The following GABRG3 variants were observed in gnomAD, a reference collection of about 807,000 sequenced individuals.
The protein encoded by GABRG3 is gamma-aminobutyric acid type A receptor subunit gamma3, also known as gamma-aminobutyric acid receptor subunit gamma-3.
Under a neutral mutation model 48.8 loss-of-function variants are expected in GABRG3, and 25 were observed. The observed-to-expected ratio is 0.51, with a 90% CI of 0.37 to 0.72. GABRG3 has a LOEUF of 0.72. Ranked by LOEUF, GABRG3 falls within the 30% of genes least tolerant of loss-of-function variation. The probability of loss-of-function intolerance (pLI) is 0.00; values close to 1 mark genes in which losing one functional copy is unlikely to be tolerated. For missense variants in GABRG3, 394 were observed against 577.9 expected (o/e 0.68, Z 3.26); for synonymous variants, 227 against 217.6 (o/e 1.04, Z -0.38).
intron 2 of GABRG3, among the ~76,000 whole-genome samples, chr15:26,984,295 C>T (rs1895110612): frequency 6.6e-6 from 1 of 151,988 alleles, no homozygotes; most frequent in South Asian, 2.1e-4. Flanking sequence ...CATCTCCCAA[C>T]ATACGTGGTC....
intron 3 of GABRG3, among the ~76,000 whole-genome samples, chr15:27,167,115 G>A (rs1216286139): frequency 6.6e-6 from 1 of 152,140 alleles, no homozygotes; most frequent in Non-Finnish European, 1.5e-5. Context: ...CCCGGCTACT[G>A]CACACCGAAA....
chr15:27,003,649 G>A (rs550441742), intron 2 of GABRG3, among the ~76,000 whole-genome samples: 5 of 152,272 alleles, frequency 3.3e-5, no homozygotes, highest in South Asian at 2.1e-4. Flanking sequence ...GCAACCATCC[G>A]ATTTCTCAAT....
intron 3 of GABRG3, among the ~76,000 whole-genome samples, chr15:27,211,394 A>C (rs938639337): frequency 1.4e-5 from 2 of 138,242 alleles, no homozygotes; most frequent in Non-Finnish European, 3.4e-5. Flanking sequence ...GGAAACAAAT[A>C]ATCCGTGAAG....
intron 5 of GABRG3, among the ~76,000 whole-genome samples, chr15:27,393,517 A>C (rs1566821523): frequency 6.6e-6 from 1 of 152,114 alleles, no homozygotes; most frequent in Non-Finnish European, 1.5e-5. Context: ...CATATCTATA[A>C]ATATTTCTCT....
At chr15:27,306,258 C>T (rs1257213686) in intron 3 of GABRG3, among the ~76,000 whole-genome samples, 2 of 137,410 alleles carry the variant, frequency 1.5e-5, no homozygotes, top group Non-Finnish European at 3.1e-5. Context: ...ATAAACATGT[C>T]TATATGTAAA....
At position 27,441,126 on chromosome 15, in the gene GABRG3, A is replaced by G. The variant is rs559699717; in HGVS notation, c.575-39524A>G. ...TTATTATACAAAGGTACAGCAAAAA[A>G]TAGGGCAGATACTTCTAATTTGTCT... On this transcript the variant is annotated intron_variant, in intron 5 of 9. Coordinates refer to ENST00000615808, the MANE Select transcript of GABRG3 (RefSeq NM_033223.5). Among the ~76,000 whole-genome samples the G allele has an allele frequency of 3.9e-5, 6 of 152,368 alleles. No individual in the cohort carries two copies. The South Asian group carries it at 1.2e-3, about 32-fold the overall frequency.
At chr15:27,327,235 T>C (rs1469984610) in intron 4 of GABRG3, among the ~76,000 whole-genome samples, 6 of 152,220 alleles carry the variant, frequency 3.9e-5, no homozygotes, top group Non-Finnish European at 8.8e-5. Context: ...ATAAGTTCAT[T>C]TCTTCAGAAT....
chr15:27,526,427 G>T (rs1571279), intron 7 of GABRG3, among the ~76,000 whole-genome samples: 1 of 152,064 alleles, frequency 6.6e-6, no homozygotes, highest in Non-Finnish European at 1.5e-5. Flanking sequence ...GGTGGTGACT[G>T]TTAAAATTCA....
chr15:27,238,031 G>A (rs1890027115), intron 3 of GABRG3, among the ~76,000 whole-genome samples: 1 of 152,250 alleles, frequency 6.6e-6, no homozygotes, highest in South Asian at 2.1e-4. Flanking sequence ...TTTAGACCTT[G>A]TTTCCATTCA....
At position 27,236,635 on chromosome 15, in the gene GABRG3, A is replaced by C. The variant is rs1889976174; in HGVS notation, c.271-90174A>C. ...TGACAGCCCACCAGTTTCACAATAC[A>C]CCTGTTCCTGATTAGAGACCACCAG... On this transcript the variant is annotated intron_variant, in intron 3 of 9. Coordinates refer to ENST00000615808, the MANE Select transcript of GABRG3 (RefSeq NM_033223.5). The surrounding 1 kb of genome is among the most constrained non-coding windows in gnomAD (Gnocchi z 4.4). Among the ~76,000 whole-genome samples the C allele has an allele frequency of 6.6e-6, 1 of 152,014 alleles. No homozygotes were observed. The highest frequency in any genetic ancestry group is 1.5e-5 in the Non-Finnish European group (1 of 67,992).
chr15:27,004,548 C>T lies in GABRG3; in HGVS notation c.203-22206C>T, dbSNP rs1442046623. Among the ~76,000 whole-genome samples, 11 of 152,176 alleles carry T rather than the reference C, an allele frequency of 7.2e-5. No individual in the cohort carries two copies. The East Asian group carries it at 1.7e-3, about 24-fold the overall frequency. On this transcript the variant is annotated intron_variant, in intron 2 of 9. Transcript: ENST00000615808. ...ACTCCTCACTTCCCAGACGGGGTGG[C>T]GGCCGGGCAGAGGCTGCAATCTTGG...
At chr15:27,047,780 G>A (rs372071589) in intron 3 of GABRG3, among the ~76,000 whole-genome samples, 18 of 152,296 alleles carry the variant, frequency 1.2e-4, no homozygotes, top group African/African-American at 3.6e-4. Flanking sequence ...GAGAGGCAGT[G>A]TGAATCTATT....
chr15:27,078,336 G>A (rs939920586), intron 3 of GABRG3, among the ~76,000 whole-genome samples: 5 of 152,118 alleles, frequency 3.3e-5, no homozygotes, highest in South Asian at 4.1e-4. Context: ...TCTCTTTCTC[G>A]ACATCCTTTT....
intron 3 of GABRG3, among the ~76,000 whole-genome samples, chr15:27,306,765 A>ATC: frequency 8.7e-6 from 1 of 114,330 alleles, no homozygotes; most frequent in Non-Finnish European, 1.7e-5. Context: ...TTTATATATA[A>ATC]ACATACAATA....
At chr15:27,436,687 G>A (rs1265058997) in intron 5 of GABRG3, among the ~76,000 whole-genome samples, 1 of 152,150 alleles carries the variant, frequency 6.6e-6, no homozygotes, top group Admixed American at 6.6e-5. Flanking sequence ...CACATCCTTA[G>A]GAATTAAAGC....
chr15:27,175,198 C>T (rs1414557813), intron 3 of GABRG3, among the ~76,000 whole-genome samples: 1 of 152,142 alleles, frequency 6.6e-6, no homozygotes, highest in East Asian at 1.9e-4. Context: ...CGAGGAAGGT[C>T]CTACCTCCAC....
rs1894837907 is a variant in GABRG3 at position 26,971,373 on chromosome 15, G to C, written c.-163G>C. The C allele has an allele frequency of 1.4e-5, 6 of 431,904 alleles. No homozygotes were observed. The East Asian group carries it at 2.3e-4, about 17-fold the overall frequency. 26.8% of individuals were successfully genotyped at this position (431,904 alleles called of 1,614,324 possible). On this transcript the variant is annotated 5_prime_UTR_variant, in exon 1 of 10. Transcript: ENST00000615808. The stretch of plus-strand genomic sequence containing the variant: ...CCCGTGTGCGTCCAGTGTGCGCCCC[G>C]CGGGGGCGCGGCCAGCGCCAGAGTA...
At chr15:27,521,950 G>C (rs758934676) in intron 7 of GABRG3, among the ~76,000 whole-genome samples, 1 of 151,862 alleles carries the variant, frequency 6.6e-6, no homozygotes. Context: ...AAAGAATGAG[G>C]ACAAATATTT....
At chr15:27,094,117 C>CA (rs1897236373) in intron 3 of GABRG3, among the ~76,000 whole-genome samples, 1 of 152,192 alleles carries the variant, frequency 6.6e-6, no homozygotes, top group South Asian at 2.1e-4. Context: ...ATACAGCCCA[C>CA]AGACCTGAAT....
Sources: gnomAD v4.1 joint callset for allele counts (sites outside exome capture counted in the v4.1 genomes callset) on GRCh38, gnomAD v4.1.1 for gene constraint, Gnocchi (gnomAD v3.1) non-coding constraint, MANE v1.5 for transcripts, NCBI Gene and HGNC (gene_info 2026-07-23, HGNC 2026-07-21) for gene names.